Variants in KCNN3 observed in about 807,000 individuals in gnomAD.
The protein encoded by KCNN3 is small conductance calcium-activated potassium channel protein 3.
A neutral mutation model predicts 62.9 loss-of-function variants in KCNN3; 16 were observed. The ratio of observed to expected loss-of-function variants is 0.25; its 90% CI spans 0.17 to 0.39. The LOEUF is 0.39. KCNN3 is among the 10% of genes least tolerant of loss of function. KCNN3 has a pLI of 1.00. For synonymous variants in KCNN3, 370 were observed against 389.2 expected (o/e 0.95, Z 0.58); for missense variants, 599 against 949.4 (o/e 0.63, Z 4.85).
intron 2 of KCNN3, among the ~76,000 whole-genome samples, chr1:154,787,400 G>C (rs1649327028): frequency 6.6e-6 from 1 of 152,242 alleles, no homozygotes; most frequent in Non-Finnish European, 1.5e-5. Context: ...CTGCTGGTGA[G>C]AGGTCACTGC....
chr1:154,793,853 C>T (rs560087525), intron 2 of KCNN3, among the ~76,000 whole-genome samples: 6 of 152,268 alleles, frequency 3.9e-5, no homozygotes, highest in Admixed American at 2.0e-4. Flanking sequence ...AGTGTGGAGG[C>T]GGATTCATTC....
At chr1:154,731,362 A>T (rs2101790029) in intron 4 of KCNN3, among the ~76,000 whole-genome samples, 1 of 152,362 alleles carries the variant, frequency 6.6e-6, no homozygotes, top group Non-Finnish European at 1.5e-5. Flanking sequence ...GCTTTTTGTC[A>T]TTAGCTGCTG....
chr1:154,857,000 C>T (rs1396599616), intron 1 of KCNN3, among the ~76,000 whole-genome samples: 3 of 152,152 alleles, frequency 2.0e-5, no homozygotes, highest in Non-Finnish European at 4.4e-5. Flanking sequence ...ACCCAAGCCA[C>T]ATGTGTGTGC....
intron 3 of KCNN3, among the ~76,000 whole-genome samples, chr1:154,761,980 C>T (rs1424919297): frequency 6.9e-6 from 1 of 145,582 alleles, no homozygotes; most frequent in African/African-American, 2.6e-5. Context: ...AACAAACAAA[C>T]AAAAACGAAA....
At chr1:154,737,022 A>G (rs904321682) in intron 3 of KCNN3, 5 of 701,824 alleles carry the variant, frequency 7.1e-6, no homozygotes, top group Non-Finnish European at 1.3e-5. Context: ...CGTCATGGAG[A>G]TAAGACATAC....
At chr1:154,761,219 C>T (rs978860816) in intron 3 of KCNN3, among the ~76,000 whole-genome samples, 1 of 152,178 alleles carries the variant, frequency 6.6e-6, no homozygotes, top group Non-Finnish European at 1.5e-5. Flanking sequence ...CACATGTACA[C>T]CTTGGGAAGC....
intron 4 of KCNN3, among the ~76,000 whole-genome samples, chr1:154,731,480 G>A (rs1476742610): frequency 6.6e-6 from 1 of 152,194 alleles, no homozygotes; most frequent in Admixed American, 6.5e-5. Flanking sequence ...GCCTGGGTCT[G>A]ACCGTCTGGT....
At chr1:154,859,612 G>A in intron 1 of KCNN3, 1 of 1,378,564 alleles carries the variant, frequency 7.3e-7, no homozygotes, top group Non-Finnish European at 1.0e-6. Flanking sequence ...TGACAGGTCA[G>A]CAAGGTTCAA....
At chr1:154,818,968 A>G (rs2101891604) in intron 2 of KCNN3, among the ~76,000 whole-genome samples, 1 of 152,342 alleles carries the variant, frequency 6.6e-6, no homozygotes, top group South Asian at 2.1e-4. Context: ...GGTCCCTGCT[A>G]AAATTTAGCT....
At chr1:154,747,147 C>T (rs1416735389) in intron 3 of KCNN3, among the ~76,000 whole-genome samples, 1 of 152,208 alleles carries the variant, frequency 6.6e-6, no homozygotes, top group East Asian at 1.9e-4. Flanking sequence ...ACTCCACATC[C>T]AGTGAGTCAG....
Position 154,813,797 on chromosome 1 carries a change from C to A in KCNN3, c.1029+8292G>T, listed in dbSNP as rs1650537292. Among the ~76,000 whole-genome samples, 3 of 152,152 alleles carry A rather than the reference C, an allele frequency of 2.0e-5. No individual in the cohort carries two copies. In the South Asian group the frequency reaches 6.2e-4, roughly 32 times the overall value. On this transcript the variant is annotated intron_variant, in intron 2 of 7. Coordinates refer to ENST00000271915, the MANE Select transcript of KCNN3 (RefSeq NM_002249.6). ...TCAATACAGGCAGCCGAGAAACAAG[C>A]CTTGCTGCCACCACGAGCACACCCA...
chr1:154,782,983 C>T (rs533056169), intron 2 of KCNN3, among the ~76,000 whole-genome samples: 31 of 152,168 alleles, frequency 2.0e-4, no homozygotes, highest in African/African-American at 6.3e-4. Context: ...CAGGCCGAGG[C>T]GGGCGGATCA....
chr1:154,825,032 T>C (rs753601374), intron 1 of KCNN3, among the ~76,000 whole-genome samples: 23 of 152,226 alleles, frequency 1.5e-4, no homozygotes, highest in Non-Finnish European at 3.1e-4. Flanking sequence ...GTCAAAGAAG[T>C]CTGGCTGAAC....
At chr1:154,808,063 G>A (rs1218167930) in intron 2 of KCNN3, among the ~76,000 whole-genome samples, 1 of 152,118 alleles carries the variant, frequency 6.6e-6, no homozygotes, top group Non-Finnish European at 1.5e-5. Context: ...CTTTGATACA[G>A]ACTATTGACA....
chr1:154,747,348 C>T (rs751876906), intron 3 of KCNN3, among the ~76,000 whole-genome samples: 16 of 152,198 alleles, frequency 1.1e-4, no homozygotes, highest in Non-Finnish European at 1.8e-4. Flanking sequence ...TCCAGACCCT[C>T]CCCTGCTCCC....
At chr1:154,810,206 G>A (rs1650347022) in intron 2 of KCNN3, among the ~76,000 whole-genome samples, 1 of 152,200 alleles carries the variant, frequency 6.6e-6, no homozygotes, top group East Asian at 1.9e-4. Context: ...AGGAAGAGCT[G>A]CTGAAGCCTG....
chr1:154,714,498 G>T (rs1305737313), intron 6 of KCNN3, among the ~76,000 whole-genome samples: 8 of 118,242 alleles, frequency 6.8e-5, no homozygotes, highest in African/African-American at 2.6e-4. Flanking sequence ...TGTGTGAGGT[G>T]TGTGTGGGGT....
In KCNN3 at chr1:154,755,353, C is replaced by T. The variant is rs555828542; in HGVS notation, c.1448+16622G>A. Among the ~76,000 whole-genome samples the T allele has an allele frequency of 4.0e-5, 6 of 151,810 alleles. No individual in the cohort carries two copies. The South Asian group carries it at 1.3e-3, about 32-fold the overall frequency. On this transcript the variant is annotated intron_variant, in intron 3 of 7. Transcript: ENST00000271915. ...GCATGGTGGCTTATGCCTGTAGTCC[C>T]AGCTACTCAGAGGGCTGAAGTGGGA...
intron 1 of KCNN3, among the ~76,000 whole-genome samples, chr1:154,822,896 C>T (rs370647419): frequency 1.3e-3 from 198 of 152,288 alleles, no homozygotes; most frequent in African/African-American, 4.5e-3. Flanking sequence ...TTAGAGAAAC[C>T]GAGAAGTGTG....
Sources: gnomAD v4.1 joint callset for allele counts (sites outside exome capture counted in the v4.1 genomes callset) on GRCh38, gnomAD v4.1.1 for gene constraint, MANE v1.5 for transcripts, NCBI Gene and HGNC (gene_info 2026-07-23, HGNC 2026-07-21) for gene names.